The following TMEM132C variants were observed in gnomAD, a reference collection of about 807,000 sequenced individuals.
TMEM132C encodes protein phosphatase 1, regulatory subunit 152.
TMEM132C carries 29 observed loss-of-function variants against 61.4 expected under a neutral mutation model. The observed-to-expected ratio is 0.47, with a 90% CI of 0.35 to 0.64. The LOEUF is 0.64. Among genes scored for constraint, TMEM132C ranks in the 30% least tolerant of loss-of-function variants. The pLI, the probability that TMEM132C is intolerant of heterozygous loss-of-function variation, is 0.00. For synonymous variants in TMEM132C, 656 were observed against 633.1 expected (o/e 1.04, Z -0.54); for missense variants, 1,408 against 1,476.9 (o/e 0.95, Z 0.76).
intron 2 of TMEM132C, among the ~76,000 whole-genome samples, chr12:128,440,160 T>C (rs937114839): frequency 1.3e-5 from 2 of 152,244 alleles, no homozygotes; most frequent in Non-Finnish European, 2.9e-5. Flanking sequence ...TGTCTGGGGC[T>C]ATCCGTGTTG....
At chr12:128,411,207 T>G (rs552446697) in intron 1 of TMEM132C, among the ~76,000 whole-genome samples, 1 of 152,306 alleles carries the variant, frequency 6.6e-6, no homozygotes, top group East Asian at 1.9e-4. Flanking sequence ...TGTGTGTCCT[T>G]TGTAATTCAG....
At chr12:128,679,470 G>C (rs961965054) in intron 5 of TMEM132C, among the ~76,000 whole-genome samples, 1 of 152,208 alleles carries the variant, frequency 6.6e-6, no homozygotes, top group Non-Finnish European at 1.5e-5. Context: ...GGTTGGCTCT[G>C]TGTGTCTCAT....
chr12:128,676,668 A>G (rs1025364477), intron 5 of TMEM132C, among the ~76,000 whole-genome samples: 6 of 152,056 alleles, frequency 3.9e-5, no homozygotes, highest in African/African-American at 1.5e-4. Flanking sequence ...CTACATACAT[A>G]CACATACACG....
chr12:128,289,980 G>C (rs1173261536), intron 1 of TMEM132C, among the ~76,000 whole-genome samples: 3 of 152,142 alleles, frequency 2.0e-5, no homozygotes, highest in African/African-American at 7.2e-5. Flanking sequence ...GATATCAGCT[G>C]CTTTTCTTTC....
intron 1 of TMEM132C, among the ~76,000 whole-genome samples, chr12:128,338,778 T>TATATATATATATATA (rs1565905372): frequency 1.5e-5 from 2 of 129,434 alleles, no homozygotes; most frequent in African/African-American, 8.4e-5. Flanking sequence ...ATATATATAT[T>TATATATATATATATA]TTGCACAAAG....
chr12:128,538,151 G>C (rs189307131), intron 2 of TMEM132C, among the ~76,000 whole-genome samples: 1 of 151,712 alleles, frequency 6.6e-6, no homozygotes, highest in African/African-American at 2.4e-5. Context: ...ATGGAGTCTC[G>C]TTCTTGTTGC....
At chr12:128,542,859 CAAAAAAAAAA>C (rs59362697) in intron 2 of TMEM132C, among the ~76,000 whole-genome samples, 17 of 81,590 alleles carry the variant, frequency 2.1e-4, no homozygotes, top group African/African-American at 3.9e-4. Context: ...TACTTCGATG[CAAAAAAAAAA>C]AAAAAAAAAA....
chr12:128,661,874 A>G, intron 4 of TMEM132C, among the ~76,000 whole-genome samples: 1 of 152,250 alleles, frequency 6.6e-6, no homozygotes, highest in Non-Finnish European at 1.5e-5. Flanking sequence ...AACTATGTAA[A>G]ACGTGCTTTT....
At chr12:128,622,360 A>AAAAAAATATAT (rs1277080166) in intron 4 of TMEM132C, among the ~76,000 whole-genome samples, 7 of 30,122 alleles carry the variant, frequency 2.3e-4, no homozygotes, top group African/African-American at 4.9e-4. Context: ...AAAAAAAAAA[A>AAAAAAATATAT]ATATATATAT....
intron 3 of TMEM132C, among the ~76,000 whole-genome samples, chr12:128,578,296 C>T (rs1366021965): frequency 6.6e-6 from 1 of 152,176 alleles, no homozygotes; most frequent in African/African-American, 2.4e-5. Context: ...GCGAGGCAGG[C>T]TGCCGGCCCC....
At chr12:128,338,645 G>A (rs182910749) in intron 1 of TMEM132C, among the ~76,000 whole-genome samples, 3 of 151,800 alleles carry the variant, frequency 2.0e-5, no homozygotes, top group Non-Finnish European at 2.9e-5. Flanking sequence ...TTCTCAGCGG[G>A]CCCCCTCCCA....
Position 128,490,507 on chromosome 12 carries a change from A to G in TMEM132C, c.975-53450A>G, listed in dbSNP as rs540272715. Among the ~76,000 whole-genome samples, 7 of 152,324 alleles carry G rather than the reference A, an allele frequency of 4.6e-5. No homozygotes were observed. In the East Asian group the frequency reaches 1.4e-3, roughly 29 times the overall value. ...CACCTCACTGAATTCAGTGAGGGGC[A>G]GGAGACTGCTGGAGACCTAAGCCAG... On this transcript the variant is annotated intron_variant, in intron 2 of 8. Transcript: ENST00000435159.
At chr12:128,362,293 C>T (rs1306286843) in intron 1 of TMEM132C, among the ~76,000 whole-genome samples, 4 of 152,004 alleles carry the variant, frequency 2.6e-5, no homozygotes, top group East Asian at 3.9e-4. Flanking sequence ...TGCAGGGGGA[C>T]GGGTGCCTCA....
intron 1 of TMEM132C, among the ~76,000 whole-genome samples, chr12:128,312,948 G>C (rs949148581): frequency 1.3e-5 from 2 of 152,200 alleles, no homozygotes; most frequent in Non-Finnish European, 2.9e-5. Context: ...TGTTTCCCCA[G>C]TGGAGGGACT....
chr12:128,325,789 C>A (rs1872491048), intron 1 of TMEM132C, among the ~76,000 whole-genome samples: 1 of 152,104 alleles, frequency 6.6e-6, no homozygotes, highest in Non-Finnish European at 1.5e-5. Context: ...CATTTGGTGA[C>A]CTGGAAGGAT....
rs377122022 is a variant in TMEM132C at position 128,596,035 on chromosome 12, A to G, written c.1122-20117A>G. On this transcript the variant is annotated intron_variant, in intron 3 of 8. Transcript: ENST00000435159. ...CGCCCACTTCCCCATTCCTGATCCC[A>G]TGTTCTGTCCATCACACTGGGCTGC... Among the ~76,000 whole-genome samples the G allele has an allele frequency of 1.7e-3, 256 of 152,118 alleles. 1 individual carries two copies. Among genetic ancestry groups the G allele is most frequent in the South Asian group, 8.8e-3 (42 of 4,792 alleles).
chr12:128,548,709 C>T (rs1874050022), intron 3 of TMEM132C, among the ~76,000 whole-genome samples: 1 of 152,156 alleles, frequency 6.6e-6, no homozygotes, highest in South Asian at 2.1e-4. Flanking sequence ...CTACAGTTTG[C>T]CCTCCATATC....
chr12:128,302,936 C>T (rs1337827297), intron 1 of TMEM132C, among the ~76,000 whole-genome samples: 2 of 152,188 alleles, frequency 1.3e-5, no homozygotes, highest in Non-Finnish European at 2.9e-5. Flanking sequence ...ATAAGGTTCA[C>T]AGCCAACAAC....
rs781771135 is a variant in TMEM132C at position 128,582,035 on chromosome 12, C to T, written c.1122-34117C>T. 5.9e-5 allele frequency among the ~76,000 whole-genome samples: 9 copies of T among 152,166 alleles called. No homozygotes were observed. The South Asian group carries it at 8.3e-4, about 14-fold the overall frequency. On this transcript the variant is annotated intron_variant, in intron 3 of 8. Transcript: ENST00000435159. The stretch of plus-strand genomic sequence containing the variant: ...GATATCAGAGGGTCAGAGATTCCAA[C>T]GACAGGATCCCAGGCTTCAGTGACT...
Sources: gnomAD v4.1 joint callset for allele counts (sites outside exome capture counted in the v4.1 genomes callset) on GRCh38, gnomAD v4.1.1 for gene constraint, MANE v1.5 for transcripts, NCBI Gene and HGNC (gene_info 2026-07-23, HGNC 2026-07-21) for gene names.